The following PAPPA2 variants were observed in gnomAD, a reference collection of about 807,000 sequenced individuals.
PAPPA2 encodes the protein pappalysin-2.
In PAPPA2, 86 loss-of-function variants were observed where a neutral mutation model predicts 176.4. The observed-to-expected ratio is 0.49, with a 90% CI of 0.41 to 0.58. The LOEUF (loss-of-function observed/expected upper bound fraction) is 0.58. Ranked by LOEUF, PAPPA2 falls within the 20% of genes least tolerant of loss-of-function variation. The pLI is 0.00. For missense variants in PAPPA2, 2,073 were observed against 2,256.9 expected, an observed-to-expected ratio of 0.92 and a Z score of 1.65; for synonymous variants, 809 against 852.2, an observed-to-expected ratio of 0.95 and a Z score of 0.88.
chr1:176,696,920 TACTTGATTGATTGTATATG>T (rs1264030872), intron 7 of PAPPA2, among the ~76,000 whole-genome samples: 6 of 152,322 alleles, frequency 3.9e-5, no homozygotes, highest in Non-Finnish European at 8.8e-5. Flanking sequence ...GGAGACAATT[TACTTGATTGATTGTATATG>T]ACTTTTTTCA....
intron 1 of PAPPA2, among the ~76,000 whole-genome samples, chr1:176,465,366 T>C (rs1429221782): frequency 6.6e-6 from 1 of 152,226 alleles, no homozygotes; most frequent in African/African-American, 2.4e-5. Flanking sequence ...CAGTAGTGAA[T>C]GGGAGACCCT....
intron 3 of PAPPA2, among the ~76,000 whole-genome samples, chr1:176,656,387 C>T (rs1358612467): frequency 6.6e-6 from 1 of 151,738 alleles, no homozygotes; most frequent in Non-Finnish European, 1.5e-5. Context: ...AAACTACACC[C>T]AAAGCCCAAC....
rs1651287178 is a variant in PAPPA2 at position 176,556,376 on chromosome 1, ACT to A, written c.57_58del (p.Cys20PhefsTer5). The A allele has an allele frequency of 6.2e-7, 1 of 1,614,138 alleles. No homozygotes were observed. The highest frequency in any genetic ancestry group is 1.3e-5 in the African/African-American group (1 of 75,034). On this transcript the variant is annotated frameshift_variant, in exon 2 of 23. Transcript: ENST00000367662. LOFTEE classifies it high-confidence loss of function. ...ISLAILAGWA[L>X]CSANSELGWT... ...GCCTGGCGATTTTGGCTGGGTGGGC[ACT>A]CTGTTCTGCCAACTCTGAGCTGGGC... is the stretch of plus-strand genomic sequence containing the variant.
chr1:176,702,487 A>G (rs1660694664), intron 8 of PAPPA2, 120 bp from the exon 9 acceptor site: 2 of 1,394,652 alleles, frequency 1.4e-6, no homozygotes, highest in African/African-American at 1.4e-5. Context: ...AATGCAGCGT[A>G]TGTTTAACCT....
chr1:176,791,173 ATTTTTTTTTTTTTTTTT>A (rs57185368), intron 18 of PAPPA2, among the ~76,000 whole-genome samples, 157 bp from the exon 19 acceptor site: 2 of 80,880 alleles, frequency 2.5e-5, no homozygotes, highest in African/African-American at 6.0e-5. Flanking sequence ...AAAGCAAAGA[ATTTTTTTTTTTTTTTTT>A]TTTTTTTTTT....
At chr1:176,627,453 G>A (rs1656096399) in intron 3 of PAPPA2, among the ~76,000 whole-genome samples, 1 of 152,152 alleles carries the variant, frequency 6.6e-6, no homozygotes, top group African/African-American at 2.4e-5. Flanking sequence ...AAAGAGCAGT[G>A]ACTAGACCTA....
intron 3 of PAPPA2, among the ~76,000 whole-genome samples, chr1:176,648,202 A>G (rs2102738461): frequency 6.6e-6 from 1 of 151,660 alleles, no homozygotes; most frequent in East Asian, 1.9e-4. Context: ...TAACTACAGT[A>G]AATAGGATTG....
chr1:176,735,458 C>A (rs575798685), intron 12 of PAPPA2, among the ~76,000 whole-genome samples: 23 of 152,204 alleles, frequency 1.5e-4, no homozygotes, highest in African/African-American at 5.5e-4. Flanking sequence ...AAAGGATGAC[C>A]TGGAAGTTGA....
intron 10 of PAPPA2, among the ~76,000 whole-genome samples, chr1:176,706,696 A>T (rs1446051080): frequency 6.6e-6 from 1 of 152,188 alleles, no homozygotes; most frequent in Non-Finnish European, 1.5e-5. Context: ...AGAAGTGGTA[A>T]AGTCAGCATT....
rs1173536716 is a variant in PAPPA2, at chr1:176,488,482, A to G, written c.-917+25064A>G. The stretch of plus-strand genomic sequence containing the variant: ...AGTGTCTTCGAAATTAGATTTGAGT[A>G]CAATCTTGGCTTAGTCACTCAGCAG... On this transcript the variant is annotated intron_variant, in intron 1 of 22. Transcript: ENST00000367662. Among the ~76,000 whole-genome samples the G allele has an allele frequency of 2.0e-5, 3 of 152,156 alleles. 1 individual carries two copies. The highest frequency in any genetic ancestry group is 7.2e-5 in the African/African-American group (3 of 41,436).
At chr1:176,467,777 G>A (rs925389669) in intron 1 of PAPPA2, among the ~76,000 whole-genome samples, 6 of 152,164 alleles carry the variant, frequency 3.9e-5, no homozygotes, top group African/African-American at 1.4e-4. Context: ...TCTCAATTGG[G>A]TCTCATAACT....
intron 21 of PAPPA2, among the ~76,000 whole-genome samples, chr1:176,837,336 A>G (rs112333499): frequency 4.6e-5 from 7 of 152,158 alleles, no homozygotes; most frequent in African/African-American, 9.6e-5. Context: ...TCTGGCTCAA[A>G]CATAAATCAT....
At chr1:176,761,534 AG>A in intron 14 of PAPPA2, among the ~76,000 whole-genome samples, 1 of 152,344 alleles carries the variant, frequency 6.6e-6, no homozygotes, top group Admixed American at 6.5e-5. Flanking sequence ...GCTATTTAAA[AG>A]AGAACTGCTC....
At chr1:176,785,690 G>A (rs777422754) in intron 17 of PAPPA2, among the ~76,000 whole-genome samples, 3 of 152,010 alleles carry the variant, frequency 2.0e-5, no homozygotes, top group African/African-American at 7.2e-5. Context: ...GGTTTGTAGC[G>A]CAGGGCCTGT....
chr1:176,551,326 A>G (rs569841026), intron 1 of PAPPA2, among the ~76,000 whole-genome samples: 43 of 152,326 alleles, frequency 2.8e-4, no homozygotes, highest in African/African-American at 9.9e-4. Context: ...GCAAGTAGCT[A>G]AAACAGATCT....
chr1:176,657,117 C>T (rs1658076593), intron 3 of PAPPA2, among the ~76,000 whole-genome samples: 2 of 150,100 alleles, frequency 1.3e-5, no homozygotes, highest in South Asian at 4.4e-4. Flanking sequence ...GGCACTCTGG[C>T]AGTGAAAGTA....
chr1:176,468,644 A>G (rs1453905808), intron 1 of PAPPA2, among the ~76,000 whole-genome samples: 1 of 152,120 alleles, frequency 6.6e-6, no homozygotes, highest in Non-Finnish European at 1.5e-5. Flanking sequence ...GTGTACCCTC[A>G]TGCCCCCTCA....
intron 21 of PAPPA2, among the ~76,000 whole-genome samples, chr1:176,834,634 C>G (rs980165997): frequency 2.0e-5 from 3 of 152,126 alleles, no homozygotes; most frequent in Non-Finnish European, 4.4e-5. Flanking sequence ...TGCCAGGCAG[C>G]CTATTTGGGA....
At chr1:176,743,054 G>A (rs893634010) in intron 14 of PAPPA2, among the ~76,000 whole-genome samples, 3 of 152,106 alleles carry the variant, frequency 2.0e-5, no homozygotes, top group African/African-American at 4.8e-5. Flanking sequence ...CTTGGACAAA[G>A]TAATTTCTCC....
Sources: gnomAD v4.1 joint callset for allele counts (sites outside exome capture counted in the v4.1 genomes callset) on GRCh38, gnomAD v4.1.1 for gene constraint, MANE v1.5 for transcripts, NCBI Gene and HGNC (gene_info 2026-07-23, HGNC 2026-07-21) for gene names.